ARHGAP15: variants seen among roughly 807,000 people sequenced by gnomAD.
ARHGAP15 encodes the protein rho GTPase-activating protein 15.
A neutral mutation model predicts 63.7 loss-of-function variants in ARHGAP15; 51 were observed. The ratio of observed to expected loss-of-function variants is 0.80; its 90% CI spans 0.64 to 1.01. ARHGAP15 has a LOEUF of 1.01. ARHGAP15 is among the 50% of genes least tolerant of loss of function. The pLI is 0.00. For synonymous variants in ARHGAP15, 191 were observed against 193.8 expected, an observed-to-expected ratio of 0.99 and a Z score of 0.12; for missense variants, 560 against 564.6, an observed-to-expected ratio of 0.99 and a Z score of 0.08.
At chr2:143,347,819 T>C (rs2105305746) in intron 6 of ARHGAP15, among the ~76,000 whole-genome samples, 1 of 151,950 alleles carries the variant, frequency 6.6e-6, no homozygotes, top group East Asian at 1.9e-4. Context: ...TCGTGATTTT[T>C]TTTTTTTTTT....
intron 11 of ARHGAP15, chr2:143,593,171 G>A (rs539728969): frequency 2.0e-5 from 3 of 152,162 alleles, no homozygotes; most frequent in Non-Finnish European, 2.9e-5. Flanking sequence ...ACTCATTGGC[G>A]TCTTCCCTAA....
chr2:143,324,675 A>C (rs574506921), intron 6 of ARHGAP15, among the ~76,000 whole-genome samples: 180 of 152,272 alleles, frequency 1.2e-3, no homozygotes, highest in African/African-American at 4.2e-3. Context: ...CCGTTGTGTA[A>C]ATATGAATTT....
At chr2:143,434,520 A>G (rs1574443963) in intron 6 of ARHGAP15, among the ~76,000 whole-genome samples, 2 of 152,108 alleles carry the variant, frequency 1.3e-5, no homozygotes, top group Admixed American at 1.3e-4. Flanking sequence ...GAGATGGCCT[A>G]AAGCGTGATT....
chr2:143,672,233 G>GAGAT (rs1254354157), intron 12 of ARHGAP15, among the ~76,000 whole-genome samples: 4 of 152,242 alleles, frequency 2.6e-5, no homozygotes, highest in Admixed American at 6.5e-5. Context: ...GTAAAGCACT[G>GAGAT]AGATATAGTA....
At chr2:143,241,974 A>G (rs977112921) in intron 5 of ARHGAP15, among the ~76,000 whole-genome samples, 2 of 152,200 alleles carry the variant, frequency 1.3e-5, no homozygotes, top group Non-Finnish European at 2.9e-5. Context: ...AATCTGTGGG[A>G]GGAAGGGAGC....
At chr2:143,240,738 G>A (rs970204755) in intron 5 of ARHGAP15, among the ~76,000 whole-genome samples, 2 of 152,120 alleles carry the variant, frequency 1.3e-5, no homozygotes, top group African/African-American at 4.8e-5. Context: ...ATAATGGGTA[G>A]AGATGGAAAT....
intron 8 of ARHGAP15, among the ~76,000 whole-genome samples, chr2:143,439,421 T>TAAAAAAAAAAAAAA (rs1689765606): frequency 6.1e-4 from 1 of 1,652 alleles, no homozygotes; most frequent in Non-Finnish European, 1.7e-3. Context: ...AGACTCTGTC[T>TAAAAAAAAAAAAAA]CAAAAAAAAA....
intron 12 of ARHGAP15, among the ~76,000 whole-genome samples, chr2:143,658,407 C>T (rs559706626): frequency 6.6e-6 from 1 of 152,280 alleles, no homozygotes; most frequent in Non-Finnish European, 1.5e-5. Context: ...ATTAAACTTT[C>T]CTAATTATTT....
chr2:143,438,103 C>T (rs1373284017), intron 8 of ARHGAP15, among the ~76,000 whole-genome samples: 1 of 152,148 alleles, frequency 6.6e-6, no homozygotes. Context: ...TTGGGGGAGT[C>T]TTCTACCTGG....
At chr2:143,442,444 C>G (rs984980545) in intron 8 of ARHGAP15, among the ~76,000 whole-genome samples, 18 of 152,126 alleles carry the variant, frequency 1.2e-4, no homozygotes, top group Non-Finnish European at 2.5e-4. Context: ...TCTGTACCGT[C>G]TCCACCAAAG....
At chr2:143,289,689 G>A (rs1443584586) in intron 6 of ARHGAP15, among the ~76,000 whole-genome samples, 1 of 152,102 alleles carries the variant, frequency 6.6e-6, no homozygotes, top group Non-Finnish European at 1.5e-5. Flanking sequence ...TTATATAAAG[G>A]ACAAGTAAAG....
rs1449277714 is a variant in ARHGAP15, at chr2:143,248,219, A to G, written c.385-2292A>G. ...AGCTCTTTTATATAAAAGACAGTCA[A>G]AGAAGACCTCTGACAAGGTGACATT... On this transcript the variant is annotated intron_variant, in intron 5 of 13. Transcript: ENST00000295095. 3.3e-5 allele frequency among the ~76,000 whole-genome samples: 5 copies of G among 152,318 alleles called. No individual in the cohort carries two copies. In the East Asian group the frequency reaches 9.6e-4, roughly 29 times the overall value.
At chr2:143,152,319 C>T (rs1364546551) in intron 1 of ARHGAP15, among the ~76,000 whole-genome samples, 1 of 151,954 alleles carries the variant, frequency 6.6e-6, no homozygotes, top group Non-Finnish European at 1.5e-5. Context: ...ATCTGCACAC[C>T]TTTGCATTGC....
At chr2:143,736,251 G>C (rs1367383910) in intron 13 of ARHGAP15, among the ~76,000 whole-genome samples, 6 of 152,066 alleles carry the variant, frequency 3.9e-5, no homozygotes, top group African/African-American at 1.4e-4. Flanking sequence ...CAAAAAATTA[G>C]CCGGGCATGG....
intron 6 of ARHGAP15, among the ~76,000 whole-genome samples, chr2:143,303,338 G>A (rs1683002676): frequency 6.6e-6 from 1 of 151,920 alleles, no homozygotes; most frequent in African/African-American, 2.4e-5. Flanking sequence ...TCAAAAAGTG[G>A]GCGAAGGATA....
intron 6 of ARHGAP15, among the ~76,000 whole-genome samples, chr2:143,372,126 G>A (rs750246292): frequency 1.8e-4 from 27 of 151,760 alleles, no homozygotes; most frequent in Non-Finnish European, 3.7e-4. Flanking sequence ...GATCACTTGA[G>A]CCCAGGATTT....
At chr2:143,301,970 C>CA (rs925766363) in intron 6 of ARHGAP15, among the ~76,000 whole-genome samples, 6 of 151,894 alleles carry the variant, frequency 4.0e-5, no homozygotes, top group African/African-American at 1.2e-4. Context: ...TCTAATCAAG[C>CA]AACAACCAAG....
At chr2:143,585,556 T>C (rs1249239574) in intron 11 of ARHGAP15, among the ~76,000 whole-genome samples, 1 of 152,182 alleles carries the variant, frequency 6.6e-6, no homozygotes, top group Non-Finnish European at 1.5e-5. Context: ...GTTTTATGTT[T>C]AGTTCTACTT....
At chr2:143,707,186 A>G (rs919539967) in intron 13 of ARHGAP15, among the ~76,000 whole-genome samples, 11 of 152,190 alleles carry the variant, frequency 7.2e-5, no homozygotes, top group African/African-American at 2.7e-4. Context: ...GAGAGAACCC[A>G]GGAGGTCCCA....
Sources: gnomAD v4.1 joint callset for allele counts (sites outside exome capture counted in the v4.1 genomes callset) on GRCh38, gnomAD v4.1.1 for gene constraint, MANE v1.5 for transcripts, NCBI Gene and HGNC (gene_info 2026-07-23, HGNC 2026-07-21) for gene names.